The following MACROD2 variants were observed in gnomAD, a reference collection of about 807,000 sequenced individuals.
The protein encoded by MACROD2 is mono-ADP ribosylhydrolase 2.
MACROD2 carries 36 observed loss-of-function variants against 70.4 expected under a neutral mutation model. The observed-to-expected ratio is 0.51, with a 90% CI of 0.39 to 0.68. The LOEUF is 0.68. Among genes scored for constraint, MACROD2 ranks in the 30% least tolerant of loss-of-function variants. MACROD2 has a pLI of 0.00. For synonymous variants in MACROD2, 172 were observed against 178.8 expected, an observed-to-expected ratio of 0.96 and a Z score of 0.30; for missense variants, 496 against 538.4, an observed-to-expected ratio of 0.92 and a Z score of 0.78.
rs188758555 is a variant in MACROD2, at chr20:15,822,823, C to T, written c.646-39922C>T. ...AAGGACAGCAAATTAGGAAAGAAAA[C>T]CGCAGATACAGCAGATAAGGGAGGA... On this transcript the variant is annotated intron_variant, in intron 8 of 17. Transcript: ENST00000684519. 1.8e-3 allele frequency among the ~76,000 whole-genome samples: 281 copies of T among 152,200 alleles called. 1 individual carries two copies. Among genetic ancestry groups the T allele is most frequent in the Middle Eastern group, 6.8e-3 (2 of 294 alleles).
intron 6 of MACROD2, among the ~76,000 whole-genome samples, chr20:15,354,970 C>T (rs994596991): frequency 5.3e-5 from 8 of 152,232 alleles, no homozygotes; most frequent in African/African-American, 1.9e-4. Context: ...TTCACAACCA[C>T]ACTAACAGGT....
intron 4 of MACROD2, among the ~76,000 whole-genome samples, chr20:14,608,664 A>G (rs538531718): frequency 1.6e-4 from 25 of 152,252 alleles, no homozygotes; most frequent in Non-Finnish European, 2.6e-4. Flanking sequence ...ATGGAGTTTG[A>G]CTAGTGGGAG....
At chr20:14,907,202 G>A (rs999098828) in intron 5 of MACROD2, among the ~76,000 whole-genome samples, 3 of 152,170 alleles carry the variant, frequency 2.0e-5, no homozygotes, top group African/African-American at 7.2e-5. Flanking sequence ...AGAAATTTCT[G>A]CATAATCTGC....
chr20:15,833,068 T>A (rs758900256), intron 8 of MACROD2, among the ~76,000 whole-genome samples: 23 of 152,164 alleles, frequency 1.5e-4, no homozygotes, highest in Non-Finnish European at 2.5e-4. Context: ...AGTCTCCTTT[T>A]TGCACAGCCC....
At chr20:15,914,872 T>C (rs2065289671) in intron 10 of MACROD2, among the ~76,000 whole-genome samples, 1 of 152,174 alleles carries the variant, frequency 6.6e-6, no homozygotes, top group Admixed American at 6.5e-5. Context: ...TTTCTTGGGT[T>C]TGATAATTTG....
chr20:15,542,212 G>A (rs147089431), intron 8 of MACROD2, among the ~76,000 whole-genome samples: 10 of 152,292 alleles, frequency 6.6e-5, no homozygotes, highest in Admixed American at 1.3e-4. Flanking sequence ...GCCAGCTCTC[G>A]GGCTGTGTGA....
chr20:15,439,177 A>G (rs1568808739), intron 7 of MACROD2, among the ~76,000 whole-genome samples: 2 of 152,156 alleles, frequency 1.3e-5, no homozygotes, highest in Non-Finnish European at 2.9e-5. Context: ...TCAGCTGGCC[A>G]TCCAGGAGGC....
At chr20:14,814,302 C>T (rs1421665249) in intron 5 of MACROD2, among the ~76,000 whole-genome samples, 1 of 152,068 alleles carries the variant, frequency 6.6e-6, no homozygotes, top group Non-Finnish European at 1.5e-5. Flanking sequence ...CAGCTGGTCA[C>T]AGCCAGGAGC....
chr20:14,924,284 C>G (rs2074201347), intron 5 of MACROD2, among the ~76,000 whole-genome samples: 1 of 151,738 alleles, frequency 6.6e-6, no homozygotes, highest in Non-Finnish European at 1.5e-5. Flanking sequence ...ACTAAAAATA[C>G]AGAAATTAGC....
At chr20:14,447,976 ATGTGTGTGTG>A (rs11087090) in intron 3 of MACROD2, among the ~76,000 whole-genome samples, 3 of 143,132 alleles carry the variant, frequency 2.1e-5, no homozygotes, top group Non-Finnish European at 4.6e-5. Context: ...ACCCATGAAA[ATGTGTGTGTG>A]TGTGTGTGTG....
At chr20:15,896,840 A>G (rs1406683417) in intron 10 of MACROD2, among the ~76,000 whole-genome samples, 3 of 152,174 alleles carry the variant, frequency 2.0e-5, no homozygotes, top group Non-Finnish European at 4.4e-5. Flanking sequence ...CACCATACCA[A>G]TAATGAAATT....
intron 3 of MACROD2, among the ~76,000 whole-genome samples, chr20:14,460,476 G>A (rs1413074325): frequency 6.6e-6 from 1 of 152,128 alleles, no homozygotes; most frequent in African/African-American, 2.4e-5. Flanking sequence ...CTAATGAGCA[G>A]TGATGATGAG....
intron 5 of MACROD2, among the ~76,000 whole-genome samples, chr20:15,224,554 T>C (rs2076888873): frequency 1.3e-5 from 2 of 152,338 alleles, no homozygotes; most frequent in South Asian, 2.1e-4. Context: ...AATTTTTACA[T>C]AGTCTTTTCT....
chr20:15,411,829 C>T (rs2046082912), intron 6 of MACROD2, among the ~76,000 whole-genome samples: 2 of 152,178 alleles, frequency 1.3e-5, no homozygotes, highest in African/African-American at 2.4e-5. Flanking sequence ...GAAGCTGAAG[C>T]CCAGGATTAA....
chr20:14,830,760 T>G (rs1024874070), intron 5 of MACROD2, among the ~76,000 whole-genome samples: 1 of 152,132 alleles, frequency 6.6e-6, no homozygotes, highest in African/African-American at 2.4e-5. Context: ...TTCACCTACG[T>G]GATAGCACAG....
intron 5 of MACROD2, among the ~76,000 whole-genome samples, chr20:14,713,999 G>C (rs1002826023): frequency 6.6e-6 from 1 of 152,126 alleles, no homozygotes; most frequent in Non-Finnish European, 1.5e-5. Context: ...GAGCAGGACA[G>C]CAGGAGGCTG....
intron 16 of MACROD2, 152 bp from the exon 17 acceptor site, chr20:16,044,419 A>G (rs2067350479): frequency 2.9e-6 from 2 of 678,290 alleles, no homozygotes; most frequent in Non-Finnish European, 4.9e-6. Flanking sequence ...AAAATCTACA[A>G]GAATAGTCCC....
At chr20:15,999,546 C>T (rs2066680532) in intron 15 of MACROD2, among the ~76,000 whole-genome samples, 1 of 152,042 alleles carries the variant, frequency 6.6e-6, no homozygotes, top group South Asian at 2.1e-4. Context: ...TTCTGGGTGA[C>T]CTATCTATCA....
chr20:15,751,051 A>C (rs1165491588), intron 8 of MACROD2, among the ~76,000 whole-genome samples: 1 of 152,018 alleles, frequency 6.6e-6, no homozygotes, highest in Non-Finnish European at 1.5e-5. Flanking sequence ...TTGCAATTAA[A>C]ATAGATGAAT....
Sources: allele counts gnomAD v4.1 joint callset (sites outside exome capture counted in the v4.1 genomes callset), GRCh38; gene constraint gnomAD v4.1.1; transcripts MANE v1.5; gene names NCBI Gene and HGNC (gene_info 2026-07-23, HGNC 2026-07-21).